MAML2: variants seen among roughly 807,000 people sequenced by gnomAD.
MAML2 encodes mastermind like transcriptional coactivator 2, also known as mastermind-like protein 2.
In MAML2, 22 loss-of-function variants were observed where a neutral mutation model predicts 96.1. The ratio of observed to expected loss-of-function variants is 0.23; its 90% confidence interval spans 0.16 to 0.33. The LOEUF (loss-of-function observed/expected upper bound fraction) is 0.33. Ranked by LOEUF, MAML2 falls within the 10% of genes least tolerant of loss-of-function variation. The probability of loss-of-function intolerance (pLI) is 1.00; values close to 1 mark genes in which losing one functional copy is unlikely to be tolerated. For synonymous variants in MAML2, 561 were observed against 521.3 expected (o/e 1.08, Z -1.04); for missense variants, 1,367 against 1,392.4 (o/e 0.98, Z 0.29).
intron 1 of MAML2, among the ~76,000 whole-genome samples, chr11:96,098,648 C>G (rs1859873548): frequency 1.3e-5 from 2 of 152,214 alleles, no homozygotes; most frequent in African/African-American, 4.8e-5. Flanking sequence ...CGTCCTTGTT[C>G]TCATTCTTCC....
rs35624218 is a variant in MAML2 at position 96,196,879 on chromosome 11, C to CTTT, written c.514-103365_514-103363dup. Reference sequence around the variant, plus strand: ...ATGGTTCTCCCCCAACCACCCTCGGCTTTTTTTTTTTTTTTTCAATAGGAG... The same window carrying CTTT: ...ATGGTTCTCCCCCAACCACCCTCGGCTTTTTTTTTTTTTTTTTTTCAATAGGAG... On this transcript the variant is annotated intron_variant, in intron 1 of 4. Transcript: ENST00000524717. Among the ~76,000 whole-genome samples the CTTT allele has an allele frequency of 1.6e-4, 20 of 128,984 alleles. 1 individual carries two copies. The highest frequency in any genetic ancestry group is 2.1e-4 in the Non-Finnish European group (13 of 62,058). The allele number at this position is 128,984 out of a possible 152,430, so 84.6% of individuals were successfully genotyped here. A position where few individuals can be genotyped will look rare whatever the true frequency, so the allele number is the denominator to read the frequency against.
chr11:96,298,273 A>T (rs12280513), intron 1 of MAML2, among the ~76,000 whole-genome samples: 7,101 of 152,286 alleles, frequency 0.047, 302 homozygotes, highest in African/African-American at 0.11. Context: ...AATGAAATGC[A>T]TATGTGCTAA....
intron 1 of MAML2, among the ~76,000 whole-genome samples, chr11:96,185,906 T>C (rs1861568490): frequency 6.6e-6 from 1 of 152,178 alleles, no homozygotes; most frequent in Non-Finnish European, 1.5e-5. Flanking sequence ...ATGTATAGCA[T>C]CAATGCGTGG....
rs776704108 is a variant in MAML2, at chr11:96,229,476, A to T, written c.513+111907T>A. Among the ~76,000 whole-genome samples, 21 of 150,010 alleles carry T rather than the reference A, an allele frequency of 1.4e-4. 2 individuals are homozygous for T. Among genetic ancestry groups the T allele is most frequent in the Admixed American group, 1.3e-3 (20 of 14,962 alleles). On this transcript the variant is annotated intron_variant, in intron 1 of 4. Coordinates refer to ENST00000524717, the MANE Select transcript of MAML2 (RefSeq NM_032427.4). Reference sequence around the variant, plus strand: ...TCTCCACTCTCTACCTACCTAGAGGATCCCTTACCAGATACTACCTCGTGT... The same window carrying T: ...TCTCCACTCTCTACCTACCTAGAGGTTCCCTTACCAGATACTACCTCGTGT...
At chr11:96,019,892 T>G (rs1366158426) in intron 2 of MAML2, among the ~76,000 whole-genome samples, 1 of 152,152 alleles carries the variant, frequency 6.6e-6, no homozygotes, top group African/African-American at 2.4e-5. Flanking sequence ...AGTTGCTAGT[T>G]TATACGTTTT....
chr11:96,293,766 T>C (rs533333475), intron 1 of MAML2, among the ~76,000 whole-genome samples: 1 of 152,232 alleles, frequency 6.6e-6, no homozygotes, highest in East Asian at 1.9e-4. Flanking sequence ...TGAAACAGAC[T>C]CACAGAGGCT....
chr11:96,236,178 A>T lies in MAML2; in HGVS notation c.513+105205T>A, dbSNP rs532660602. Among the ~76,000 whole-genome samples, 26 of 152,360 alleles carry T rather than the reference A, an allele frequency of 1.7e-4. No individual in the cohort carries two copies. In the South Asian group the frequency reaches 5.4e-3, roughly 32 times the overall value. ...CTTCTGTGCCACTGGCATATGCAGC[A>T]TTACACAACTTCTTTCTAGACATAT... On this transcript the variant is annotated intron_variant, in intron 1 of 4. Coordinates refer to ENST00000524717, the MANE Select transcript of MAML2 (RefSeq NM_032427.4).
intron 1 of MAML2, among the ~76,000 whole-genome samples, chr11:96,095,026 C>T (rs1411009090): frequency 6.6e-6 from 1 of 152,064 alleles, no homozygotes; most frequent in South Asian, 2.1e-4. Flanking sequence ...GTATTATTAC[C>T]CTTAATTTAT....
At position 96,065,908 on chromosome 11, in the gene MAML2, T is replaced by C. The variant is rs79949056; in HGVS notation, c.2139+25984A>G. Among the ~76,000 whole-genome samples, 439 of 152,336 alleles carry C rather than the reference T, an allele frequency of 2.9e-3. 2 individuals carry two copies. Among genetic ancestry groups the C allele is most frequent in the African/African-American group, 9.8e-3 (409 of 41,584 alleles). On this transcript the variant is annotated intron_variant, in intron 2 of 4. Coordinates refer to ENST00000524717, the MANE Select transcript of MAML2 (RefSeq NM_032427.4). ...TAGGGCAGGCTCCCAGCATTCCACC[T>C]GCTCTTGTGCTGGGCCCAGGCGCAA... is the stretch of plus-strand genomic sequence containing the variant.
chr11:96,268,251 A>G (rs996867144), intron 1 of MAML2, among the ~76,000 whole-genome samples: 1 of 152,150 alleles, frequency 6.6e-6, no homozygotes, highest in Non-Finnish European at 1.5e-5. Flanking sequence ...GAGGAGGGAG[A>G]GTCACTTGAG....
At chr11:96,280,024 T>C (rs1414615162) in intron 1 of MAML2, among the ~76,000 whole-genome samples, 6 of 152,214 alleles carry the variant, frequency 3.9e-5, no homozygotes, top group African/African-American at 1.4e-4. Flanking sequence ...GAATCTGGCA[T>C]GTATAAAATA....
chr11:95,979,589 T>C lies in MAML2; in HGVS notation c.2830A>G (p.Met944Val). The change falls in exon 5 of 5, where the codon ATG (methionine) becomes GTG (valine). Residue 944 changes from methionine to valine, a missense_variant. By Grantham distance (21) the Met-to-Val change is conservative. Coordinates refer to ENST00000524717, the MANE Select transcript of MAML2 (RefSeq NM_032427.4). Reference protein sequence around the residue: ...QQLRPNLTHSMASMPPQRTSN... With the variant: ...QQLRPNLTHSVASMPPQRTSN... Reference sequence around the variant, plus strand: ...GTTCTCTGTGGTGGCATGCTTGCCATACTATGGGTTAAATTTGGTCTCAAT... The same window carrying C: ...GTTCTCTGTGGTGGCATGCTTGCCACACTATGGGTTAAATTTGGTCTCAAT... 6.2e-7 allele frequency: 1 copy of C among 1,614,014 alleles called. No homozygotes were observed. Among genetic ancestry groups the C allele is most frequent in the African/African-American group, 1.3e-5 (1 of 75,056 alleles).
rs192170180 is a variant in MAML2 at position 96,090,364 on chromosome 11, C to T, written c.2139+1528G>A. 2.5e-3 allele frequency among the ~76,000 whole-genome samples: 378 copies of T among 152,236 alleles called. 3 individuals carry two copies. The highest frequency in any genetic ancestry group is 4.4e-3 in the Non-Finnish European group (299 of 68,022). On this transcript the variant is annotated intron_variant, in intron 2 of 4. Coordinates refer to ENST00000524717, the MANE Select transcript of MAML2 (RefSeq NM_032427.4). ...TATAGTAATCAACTTATTCTAGACT[C>T]TGGACTGAGAATTACCTCATTTTAT...
intron 1 of MAML2, among the ~76,000 whole-genome samples, chr11:96,311,993 C>A (rs1863548090): frequency 6.6e-6 from 1 of 152,116 alleles, no homozygotes; most frequent in Non-Finnish European, 1.5e-5. Context: ...GTAATCCCAG[C>A]ACTTTGGGAG....
chr11:96,100,537 C>T (rs1591013482), intron 1 of MAML2, among the ~76,000 whole-genome samples: 1 of 151,686 alleles, frequency 6.6e-6, no homozygotes, highest in Non-Finnish European at 1.5e-5. Context: ...CTTGAACTCC[C>T]GACCTCAAGT....
chr11:96,144,811 CACAG>C (rs1015852097), intron 1 of MAML2, among the ~76,000 whole-genome samples: 1 of 152,188 alleles, frequency 6.6e-6, no homozygotes, highest in Non-Finnish European at 1.5e-5. Context: ...CTAGGTATTT[CACAG>C]ACATTTTGTT....
chr11:96,034,385 G>C (rs1858666899), intron 2 of MAML2, among the ~76,000 whole-genome samples: 1 of 150,910 alleles, frequency 6.6e-6, no homozygotes, highest in Non-Finnish European at 1.5e-5. Context: ...CAGCCAGCTA[G>C]GGCAGTTGGT....
At chr11:95,985,941 G>A (rs888305456) in intron 3 of MAML2, among the ~76,000 whole-genome samples, 9 of 152,070 alleles carry the variant, frequency 5.9e-5, no homozygotes, top group African/African-American at 2.2e-4. Context: ...AAATTTCTGT[G>A]ATTTTTCAAG....
chr11:96,048,488 G>T (rs1858941396), intron 2 of MAML2, among the ~76,000 whole-genome samples: 1 of 152,014 alleles, frequency 6.6e-6, no homozygotes, highest in Non-Finnish European at 1.5e-5. Context: ...TAGGCAGAAA[G>T]AAAATGATTT....
Sources: allele counts gnomAD v4.1 joint callset (sites outside exome capture counted in the v4.1 genomes callset), GRCh38; gene constraint gnomAD v4.1.1; transcripts MANE v1.5; gene names NCBI Gene and HGNC (gene_info 2026-07-23, HGNC 2026-07-21).